The following TAFA1 variants were observed in gnomAD, a reference collection of about 807,000 sequenced individuals.
The protein encoded by TAFA1 is TAFA chemokine like family member 1.
A neutral mutation model predicts 18.5 loss-of-function variants in TAFA1; 4 were observed. The ratio of observed to expected loss-of-function variants is 0.22; its 90% CI spans 0.11 to 0.49. TAFA1 has a LOEUF of 0.49. TAFA1 is among the 20% of genes least tolerant of loss of function. The pLI is 0.98. For missense variants in TAFA1, 147 were observed against 169.0 expected, an observed-to-expected ratio of 0.87 and a Z score of 0.72; for synonymous variants, 56 against 55.2, an observed-to-expected ratio of 1.01 and a Z score of -0.06.
chr3:68,306,269 T>A (rs1244823329), intron 2 of TAFA1, among the ~76,000 whole-genome samples: 1 of 152,174 alleles, frequency 6.6e-6, no homozygotes, highest in Non-Finnish European at 1.5e-5. Flanking sequence ...CATTATAGCT[T>A]TGTACCTCCT....
chr3:68,374,940 CAAG>C (rs2069779842), intron 2 of TAFA1, among the ~76,000 whole-genome samples: 1 of 151,962 alleles, frequency 6.6e-6, no homozygotes, highest in Non-Finnish European at 1.5e-5. Flanking sequence ...TGCAAAAGTA[CAAG>C]AAGAGCATTG....
intron 3 of TAFA1, among the ~76,000 whole-genome samples, chr3:68,463,670 C>T (rs1037615711): frequency 1.3e-5 from 2 of 152,098 alleles, no homozygotes; most frequent in African/African-American, 4.8e-5. Flanking sequence ...TGAGCATGTC[C>T]ACATACCCAA....
intron 3 of TAFA1, among the ~76,000 whole-genome samples, chr3:68,460,672 C>T (rs776889029): frequency 3.9e-5 from 6 of 152,072 alleles, no homozygotes; most frequent in Non-Finnish European, 7.4e-5. Context: ...ACATAGTTGC[C>T]AGAGATGAGA....
chr3:68,326,766 C>T (rs1390338585), intron 2 of TAFA1, among the ~76,000 whole-genome samples: 2 of 152,266 alleles, frequency 1.3e-5, no homozygotes, highest in East Asian at 1.9e-4. Flanking sequence ...CTCATTTCAG[C>T]CTCATGGCTC....
intron 3 of TAFA1, among the ~76,000 whole-genome samples, chr3:68,524,241 C>A (rs2073071617): frequency 6.6e-6 from 1 of 152,094 alleles, no homozygotes; most frequent in East Asian, 1.9e-4. Context: ...CATGACTTTT[C>A]AGCATGGTCA....
chr3:68,412,942 G>C (rs1378846582), intron 2 of TAFA1, among the ~76,000 whole-genome samples: 2 of 151,502 alleles, frequency 1.3e-5, no homozygotes, highest in Non-Finnish European at 2.9e-5. Context: ...GATCCCTGAG[G>C]AATTGCCACA....
At chr3:68,108,760 A>T (rs984168677) in intron 2 of TAFA1, among the ~76,000 whole-genome samples, 1 of 152,162 alleles carries the variant, frequency 6.6e-6, no homozygotes, top group Non-Finnish European at 1.5e-5. Context: ...TATGATTTTT[A>T]AAATTTCTGA....
intron 3 of TAFA1, among the ~76,000 whole-genome samples, chr3:68,535,492 G>T (rs1467701940): frequency 6.6e-6 from 1 of 151,852 alleles, no homozygotes; most frequent in East Asian, 1.9e-4. Flanking sequence ...TCTTACATAT[G>T]AATACAGCTA....
At chr3:68,535,991 C>G (rs547701040) in intron 3 of TAFA1, among the ~76,000 whole-genome samples, 14 of 152,214 alleles carry the variant, frequency 9.2e-5, no homozygotes, top group African/African-American at 3.4e-4. Flanking sequence ...CAATTGCAAG[C>G]CATCTCCTTA....
At chr3:68,326,962 T>C (rs979265284) in intron 2 of TAFA1, among the ~76,000 whole-genome samples, 3 of 152,180 alleles carry the variant, frequency 2.0e-5, no homozygotes, top group Non-Finnish European at 4.4e-5. Context: ...TCATTTTGAA[T>C]TGTAGCTCCC....
chr3:68,124,256 T>C (rs1010347055), intron 2 of TAFA1, among the ~76,000 whole-genome samples: 1 of 152,236 alleles, frequency 6.6e-6, no homozygotes, highest in Admixed American at 6.5e-5. Context: ...CAGAAGCTTC[T>C]TCTATTTTCT....
At chr3:68,231,343 GA>G (rs1198216528) in intron 2 of TAFA1, among the ~76,000 whole-genome samples, 8 of 103,702 alleles carry the variant, frequency 7.7e-5, no homozygotes, top group African/African-American at 2.9e-4. Context: ...TAATCTATTT[GA>G]TTTTTTTTTT....
chr3:68,459,464 T>C (rs868208532), intron 3 of TAFA1, among the ~76,000 whole-genome samples: 1 of 144,906 alleles, frequency 6.9e-6, no homozygotes, highest in Admixed American at 7.0e-5. Flanking sequence ...TTTAAAGAAA[T>C]GCTATTTTTG....
chr3:68,039,797 A>G (rs1387544541), intron 2 of TAFA1, among the ~76,000 whole-genome samples: 2 of 152,168 alleles, frequency 1.3e-5, no homozygotes, highest in Non-Finnish European at 2.9e-5. Context: ...TTGCTGATGC[A>G]GACAACTGAG....
intron 2 of TAFA1, among the ~76,000 whole-genome samples, chr3:68,345,428 C>G (rs1559626749): frequency 6.6e-6 from 1 of 152,080 alleles, no homozygotes; most frequent in Non-Finnish European, 1.5e-5. Flanking sequence ...CCAAAGAAAA[C>G]CAATGAATAT....
At chr3:68,440,622 A>T (rs1430584645) in intron 3 of TAFA1, among the ~76,000 whole-genome samples, 1 of 152,012 alleles carries the variant, frequency 6.6e-6, no homozygotes, top group East Asian at 1.9e-4. Context: ...GAGGTCATGA[A>T]TTTTTCCTGG....
intron 2 of TAFA1, among the ~76,000 whole-genome samples, chr3:68,213,394 A>G (rs970722088): frequency 6.6e-6 from 1 of 152,020 alleles, no homozygotes; most frequent in Non-Finnish European, 1.5e-5. Context: ...TCCCTTTTGC[A>G]TCCTTCTGCT....
At chr3:68,198,190 T>C (rs2066433948) in intron 2 of TAFA1, among the ~76,000 whole-genome samples, 1 of 151,700 alleles carries the variant, frequency 6.6e-6, no homozygotes, top group African/African-American at 2.4e-5. Flanking sequence ...TATCCATGTC[T>C]GTTTAGAGCT....
chr3:68,490,383 T>G (rs1438954833), intron 3 of TAFA1, among the ~76,000 whole-genome samples: 1 of 150,148 alleles, frequency 6.7e-6, no homozygotes, highest in Non-Finnish European at 1.5e-5. Context: ...ACTACTATAT[T>G]TTGAGCTTTT....
Sources: allele counts gnomAD v4.1 joint callset (sites outside exome capture counted in the v4.1 genomes callset), GRCh38; gene constraint gnomAD v4.1.1; transcripts MANE v1.5; gene names NCBI Gene and HGNC (gene_info 2026-07-23, HGNC 2026-07-21).